The following TF variants were observed in gnomAD, a reference collection of about 807,000 sequenced individuals.
TF encodes the protein serotransferrin.
A neutral mutation model predicts 82.4 loss-of-function variants in TF; 55 were observed. The ratio of observed to expected loss-of-function variants is 0.67; its 90% CI spans 0.54 to 0.84. TF has a LOEUF of 0.84. TF is among the 40% of genes least tolerant of loss of function. The pLI is 0.00. For synonymous variants in TF, 332 were observed against 332.6 expected (o/e 1.00, Z 0.02); for missense variants, 737 against 868.4 (o/e 0.85, Z 1.90).
At chr3:133,750,735 C>T (rs1057064682) in intron 2 of TF, among the ~76,000 whole-genome samples, 1 of 152,080 alleles carries the variant, frequency 6.6e-6, no homozygotes, top group Non-Finnish European at 1.5e-5. Flanking sequence ...CCCAACCCCA[C>T]TGCAATGGGC....
At chr3:133,764,096 A>C (rs568968824) in intron 9 of TF, 86 bp from the exon 10 acceptor site, 1 of 1,139,492 alleles carries the variant, frequency 8.8e-7, no homozygotes, top group Non-Finnish European at 1.3e-6. Context: ...TGTGCTGGAA[A>C]GGCTGCTTCA....
the TF span, among the ~76,000 whole-genome samples, chr3:133,717,085 G>A: frequency 4.6e-5 from 7 of 152,074 alleles, no homozygotes; most frequent in Admixed American, 3.9e-4. Context: ...CCCCTTTCTT[G>A]CTTTATGTTT....
the TF span, among the ~76,000 whole-genome samples, chr3:133,713,775 C>T: frequency 6.6e-6 from 1 of 152,108 alleles, no homozygotes; most frequent in African/African-American, 2.4e-5. Context: ...TCTGGAGGGG[C>T]TGGTTGGGGT....
At chr3:133,726,540 T>C in the TF span, among the ~76,000 whole-genome samples, 1 of 152,344 alleles carries the variant, frequency 6.6e-6, no homozygotes, top group Admixed American at 6.5e-5. Flanking sequence ...TATTTGATTC[T>C]TCTCTCTTTT....
chr3:133,737,117 C>T, the TF span, among the ~76,000 whole-genome samples: 15 of 152,066 alleles, frequency 9.9e-5, no homozygotes, highest in Non-Finnish European at 1.9e-4. Context: ...ATAACAGTCT[C>T]TCAGACCACA....
the TF span, among the ~76,000 whole-genome samples, chr3:133,669,450 A>G: frequency 1.2e-4 from 19 of 152,300 alleles, no homozygotes; most frequent in African/African-American, 4.6e-4. Context: ...GCTGTTGCTG[A>G]GAAGTAGTTT....
chr3:133,686,603 T>C, the TF span, among the ~76,000 whole-genome samples: 5 of 152,136 alleles, frequency 3.3e-5, no homozygotes, highest in South Asian at 4.1e-4. Flanking sequence ...AAAAAATGCT[T>C]GTCATCACTG....
the TF span, among the ~76,000 whole-genome samples, chr3:133,669,601 G>A: frequency 0.022 from 3,357 of 152,224 alleles, 137 homozygotes; most frequent in African/African-American, 0.076. Flanking sequence ...TACCTTCCAC[G>A]CTCTTCCTTA....
chr3:133,738,593 C>A, the TF span, among the ~76,000 whole-genome samples: 5 of 152,118 alleles, frequency 3.3e-5, no homozygotes, highest in Non-Finnish European at 7.3e-5. Flanking sequence ...TCTCCTTAAG[C>A]TGATAAGCAA....
chr3:133,700,305 G>A, the TF span: 1 of 152,440 alleles, frequency 6.6e-6, no homozygotes, highest in Non-Finnish European at 1.5e-5. Context: ...ACACCAGCCA[G>A]CCATTTGAAA....
chr3:133,740,865 C>T, the TF span, among the ~76,000 whole-genome samples: 1 of 145,000 alleles, frequency 6.9e-6, no homozygotes, highest in East Asian at 2.0e-4. Context: ...AGATTTAATC[C>T]TAGGCATTTG....
At chr3:133,765,112 C>T (rs920755206) in intron 11 of TF, among the ~76,000 whole-genome samples, 3 of 152,080 alleles carry the variant, frequency 2.0e-5, no homozygotes, top group Non-Finnish European at 4.4e-5. Context: ...TCATTTAATG[C>T]TATAAGGTAG....
In TF at chr3:133,757,769, G is replaced by A. The variant is rs1370429104; in HGVS notation, c.871G>A (p.Glu291Lys). The A allele has an allele frequency of 1.9e-6, 3 of 1,613,964 alleles. No individual in the cohort carries two copies. The highest frequency in any genetic ancestry group is 2.5e-6 in the Non-Finnish European group (3 of 1,179,824). The change falls in exon 8 of 17, where the codon GAA (glutamate) becomes AAA (lysine). Residue 291 changes from glutamate (E) to lysine (K), a missense_variant and splice_region_variant. Coordinates refer to ENST00000402696, the MANE Select transcript of TF (RefSeq NM_001063.4). ...LIWELLNQAQ[E>K]HFGKDKSKEF... is the part of the protein sequence containing the mutation. ...CACTATTCTGTTTTTCTATGAACAG[G>A]AACATTTTGGCAAAGACAAATCAAA...
the TF span, among the ~76,000 whole-genome samples, chr3:133,727,736 G>C: frequency 1.8e-4 from 23 of 130,060 alleles, 1 homozygote; most frequent in Admixed American, 7.5e-4. Flanking sequence ...AGTTGATGCA[G>C]TTTCTTCCTA....
intron 5 of TF, chr3:133,755,731 A>G: frequency 1.7e-6 from 1 of 583,956 alleles, no homozygotes; most frequent in Non-Finnish European, 3.0e-6. Context: ...CTTTCTCCCC[A>G]GAGCCCTCAA....
Position 133,755,797 on chromosome 3 carries a change from C to T in TF, c.635+302C>T, listed in dbSNP as rs559518287. 8 of 492,226 alleles carry T rather than the reference C, an allele frequency of 1.6e-5. No homozygotes were observed. The East Asian group carries it at 2.4e-4, about 15-fold the overall frequency. The allele number at this position is 492,226 out of a possible 1,614,324, so 30.5% of individuals were successfully genotyped here. Reference sequence around the variant, plus strand: ...GGCAGAGCCTGAAAGGACAATCATGCCTCTAGTGTCTGGGCCCACTGTCCA... The same window carrying T: ...GGCAGAGCCTGAAAGGACAATCATGTCTCTAGTGTCTGGGCCCACTGTCCA... On this transcript the variant is annotated intron_variant, in intron 5 of 16. Coordinates refer to ENST00000402696, the MANE Select transcript of TF (RefSeq NM_001063.4).
chr3:133,732,257 G>A, the TF span, among the ~76,000 whole-genome samples: 942 of 152,296 alleles, frequency 6.2e-3, 16 homozygotes, highest in South Asian at 0.057. Flanking sequence ...CTTCTGGGTC[G>A]GGTGGGGACT....
chr3:133,724,856 T>G, the TF span, among the ~76,000 whole-genome samples: 57,975 of 151,534 alleles, frequency 0.38, 11,549 homozygotes, highest in South Asian at 0.5. Flanking sequence ...AGGGATCCAG[T>G]TTCAGCTTTC....
intron 14 of TF, among the ~76,000 whole-genome samples, chr3:133,772,425 C>T (rs1934282282): frequency 6.6e-6 from 1 of 152,232 alleles, no homozygotes; most frequent in Non-Finnish European, 1.5e-5. Context: ...GGAGGCCTGA[C>T]ATCCAATCTC....
Sources: gnomAD v4.1 joint callset for allele counts (sites outside exome capture counted in the v4.1 genomes callset) on GRCh38, gnomAD v4.1.1 for gene constraint, MANE v1.5 for transcripts, NCBI Gene and HGNC (gene_info 2026-07-23, HGNC 2026-07-21) for gene names.